GRAMD4: variants seen among roughly 807,000 people sequenced by gnomAD.
The protein encoded by GRAMD4 is GRAM domain-containing protein 4.
A neutral mutation model predicts 83.9 loss-of-function variants in GRAMD4; 25 were observed. The observed-to-expected ratio is 0.30, with a 90% confidence interval of 0.22 to 0.42. The LOEUF (loss-of-function observed/expected upper bound fraction) is 0.42, where lower values mean the gene tolerates loss of function less well. Ranked by LOEUF, GRAMD4 falls within the 10% of genes least tolerant of loss-of-function variation. GRAMD4 has a pLI of 1.00. For missense variants in GRAMD4, 593 were observed against 788.7 expected (o/e 0.75, Z 2.97); for synonymous variants, 336 against 320.9 (o/e 1.05, Z -0.50).
intron 2 of GRAMD4, among the ~76,000 whole-genome samples, chr22:46,634,959 A>AG (rs1413732372): frequency 3.3e-5 from 5 of 151,652 alleles, no homozygotes; most frequent in Non-Finnish European, 7.4e-5. Context: ...AAAAAAAAAA[A>AG]GAAATCATAA....
upstream of GRAMD4, among the ~76,000 whole-genome samples, chr22:46,616,529 T>TGC (rs1569262801): frequency 1.4e-5 from 2 of 140,250 alleles, no homozygotes; most frequent in South Asian, 2.4e-4. Flanking sequence ...GGTTCCCCCT[T>TGC]GTGTAGGTTC....
intron 3 of GRAMD4, among the ~76,000 whole-genome samples, chr22:46,643,195 C>G (rs1429096065): frequency 1.2e-4 from 14 of 115,266 alleles, no homozygotes; most frequent in South Asian, 3.2e-4. Flanking sequence ...ATCCATCCAT[C>G]CATCCATCTA....
Position 46,577,645 on chromosome 22 carries a change from A to G in GRAMD4, c.-50+355A>G, listed in dbSNP as rs1324939727. On this transcript the variant is annotated intron_variant, in intron 1 of 1. Transcript: ENST00000431155. ...CGCTGGGCCACTGGAGGGGGACGGT[A>G]TCGGCCCGGGCCCGCCAATGTCGTC... Among the ~76,000 whole-genome samples, 3 of 151,728 alleles carry G rather than the reference A, an allele frequency of 2.0e-5. No individual in the cohort carries two copies. The East Asian group carries it at 5.9e-4, about 30-fold the overall frequency.
At chr22:46,604,288 CT>C (rs1363373005) in intron 1 of GRAMD4, among the ~76,000 whole-genome samples, 1 of 152,146 alleles carries the variant, frequency 6.6e-6, no homozygotes, top group Non-Finnish European at 1.5e-5. Flanking sequence ...TGTCTTGGTT[CT>C]TCTAAAATCT....
chr22:46,580,070 G>A (rs1240422511), intron 1 of GRAMD4, among the ~76,000 whole-genome samples: 1 of 152,230 alleles, frequency 6.6e-6, no homozygotes, highest in African/African-American at 2.4e-5. Context: ...GGGGTAAGGA[G>A]ACTGTCTCTG....
intron 3 of GRAMD4, among the ~76,000 whole-genome samples, chr22:46,655,342 T>C (rs10427622): frequency 0.055 from 8,390 of 151,988 alleles, 435 homozygotes; most frequent in African/African-American, 0.13. Context: ...GGTGAGGAGT[T>C]CTAAGCGGGA....
rs1280552239 is a variant in GRAMD4 at position 46,642,276 on chromosome 22, G to A, written c.283+4316G>A. Among the ~76,000 whole-genome samples, 3 of 152,198 alleles carry A rather than the reference G, an allele frequency of 2.0e-5. No individual in the cohort carries two copies. The East Asian group carries it at 5.8e-4, about 29-fold the overall frequency. On this transcript the variant is annotated intron_variant, in intron 3 of 18. Coordinates refer to ENST00000406902, the MANE Select transcript of GRAMD4 (RefSeq NM_015124.5). ...AAATAAAGCCCTGGTTTCTTTTGGTGGAAGCTGACGTTGATACACTCCATG... is the reference window on the plus strand; with the variant it reads ...AAATAAAGCCCTGGTTTCTTTTGGTAGAAGCTGACGTTGATACACTCCATG...
chr22:46,637,015 G>A (rs1233756891), intron 2 of GRAMD4, among the ~76,000 whole-genome samples: 2 of 152,204 alleles, frequency 1.3e-5, no homozygotes, highest in Admixed American at 6.5e-5. Context: ...CGACAAGGCC[G>A]CTGTTCGGAG....
chr22:46,626,340 C>T (rs2081658570), intron 1 of GRAMD4, among the ~76,000 whole-genome samples: 1 of 152,240 alleles, frequency 6.6e-6, no homozygotes, highest in South Asian at 2.1e-4. Context: ...CTTCCCAATG[C>T]CAGAGCAGCA....
chr22:46,640,731 C>T (rs970529197), intron 3 of GRAMD4, among the ~76,000 whole-genome samples: 1 of 152,106 alleles, frequency 6.6e-6, no homozygotes, highest in African/African-American at 2.4e-5. Context: ...GGTTGAAACC[C>T]ACCACTGGCC....
chr22:46,608,913 G>C (rs1399135278), intron 1 of GRAMD4, among the ~76,000 whole-genome samples: 1 of 151,738 alleles, frequency 6.6e-6, no homozygotes, highest in Non-Finnish European at 1.5e-5. Flanking sequence ...CAGAGGCTGA[G>C]TTGCGAGGAT....
At chr22:46,650,934 G>A (rs2082156864) in intron 3 of GRAMD4, among the ~76,000 whole-genome samples, 1 of 152,228 alleles carries the variant, frequency 6.6e-6, no homozygotes, top group African/African-American at 2.4e-5. Context: ...TGGGCACGCA[G>A]AGTGTCCCCT....
intron 2 of GRAMD4, among the ~76,000 whole-genome samples, chr22:46,632,499 G>A (rs1274238591): frequency 6.6e-6 from 1 of 152,238 alleles, no homozygotes; most frequent in Non-Finnish European, 1.5e-5. Flanking sequence ...CACAGCCTTG[G>A]TGTCCTGCAC....
rs1170464021 is a variant in GRAMD4, at chr22:46,659,225, CAG to C, written c.404+919_404+920del. Among the ~76,000 whole-genome samples, 1 of 151,838 alleles carries C rather than the reference CAG, an allele frequency of 6.6e-6. No individual in the cohort carries two copies. Among genetic ancestry groups the C allele is most frequent in the Non-Finnish European group, 1.5e-5 (1 of 67,954 alleles). Reference sequence around the variant, plus strand: ...CAGCCTCCTGCTTCGGCCTCCCTCTCAGCCTCCACTCCCTCAGCCTCCCCCCT... The same window carrying C: ...CAGCCTCCTGCTTCGGCCTCCCTCTCCCTCCACTCCCTCAGCCTCCCCCCT... On this transcript the variant is annotated intron_variant, in intron 4 of 18. Transcript: ENST00000406902. The surrounding 1 kb of genome is among the most constrained non-coding windows in gnomAD (Gnocchi z 4.1).
intron 2 of GRAMD4, among the ~76,000 whole-genome samples, chr22:46,628,318 G>A (rs985263737): frequency 2.6e-5 from 4 of 152,232 alleles, no homozygotes; most frequent in African/African-American, 9.6e-5. Flanking sequence ...CTTGTCCCCT[G>A]GTGTGGGCTG....
At chr22:46,590,365 G>A (rs2081194789) in intron 1 of GRAMD4, among the ~76,000 whole-genome samples, 1 of 152,194 alleles carries the variant, frequency 6.6e-6, no homozygotes, top group Non-Finnish European at 1.5e-5. Context: ...CTCTCCCAGT[G>A]TCCTTCCTCC....
chr22:46,664,579 C>T (rs1601665429), intron 8 of GRAMD4, among the ~76,000 whole-genome samples: 1 of 152,334 alleles, frequency 6.6e-6, no homozygotes, highest in East Asian at 1.9e-4. Flanking sequence ...ATTGCCAGGG[C>T]CTTGGGGAAA....
intron 1 of GRAMD4, among the ~76,000 whole-genome samples, chr22:46,578,507 G>C (rs1013761009): frequency 6.6e-6 from 1 of 152,148 alleles, no homozygotes; most frequent in Non-Finnish European, 1.5e-5. Context: ...GGCTGGGCTC[G>C]CCCTGGGTTG....
intron 1 of GRAMD4, among the ~76,000 whole-genome samples, chr22:46,594,825 G>C (rs8140936): frequency 6.6e-6 from 1 of 151,870 alleles, no homozygotes; most frequent in Non-Finnish European, 1.5e-5. Flanking sequence ...CTGGGGTTGG[G>C]GGTGAGGAGG....
Sources: gnomAD v4.1 joint callset for allele counts (sites outside exome capture counted in the v4.1 genomes callset) on GRCh38, gnomAD v4.1.1 for gene constraint, Gnocchi (gnomAD v3.1) non-coding constraint, MANE v1.5 for transcripts, NCBI Gene and HGNC (gene_info 2026-07-23, HGNC 2026-07-21) for gene names.